TYW1B: variants seen among roughly 807,000 people sequenced by gnomAD.
The protein encoded by TYW1B is tRNA-yW synthesizing protein 1 homolog B.
TYW1B carries 73 observed loss-of-function variants against 86.9 expected under a neutral mutation model. The observed-to-expected ratio is 0.84, with a 90% CI of 0.70 to 1.02. TYW1B has a LOEUF of 1.02. Among genes scored for constraint, TYW1B ranks in the 50% least tolerant of loss-of-function variants. The probability of loss-of-function intolerance (pLI) is 0.00; values close to 1 mark genes in which losing one functional copy is unlikely to be tolerated. For missense variants in TYW1B, 637 were observed against 827.4 expected (o/e 0.77, Z 2.82); for synonymous variants, 248 against 292.8 (o/e 0.85, Z 1.56).
At chr7:72,599,330 T>C (rs1554433235) in intron 13 of TYW1B, among the ~76,000 whole-genome samples, 1 of 152,062 alleles carries the variant, frequency 6.6e-6, no homozygotes, top group African/African-American at 2.4e-5. Context: ...TTTGACAAAA[T>C]TGTAACTGAT....
intron 6 of TYW1B, among the ~76,000 whole-genome samples, chr7:72,791,692 G>A (rs1384165156): frequency 4.6e-5 from 7 of 151,930 alleles, no homozygotes; most frequent in African/African-American, 1.2e-4. Flanking sequence ...CAGGAGAATC[G>A]CTTGAACCTG....
intron 7 of TYW1B, among the ~76,000 whole-genome samples, chr7:72,749,454 C>T (rs1402676122): frequency 1.3e-5 from 2 of 152,058 alleles, no homozygotes; most frequent in African/African-American, 4.8e-5. Flanking sequence ...CCACCAAGCC[C>T]GGCTAATTTT....
intron 10 of TYW1B, among the ~76,000 whole-genome samples, chr7:72,706,805 A>G (rs1814626359): frequency 6.6e-6 from 1 of 152,204 alleles, no homozygotes; most frequent in Non-Finnish European, 1.5e-5. Flanking sequence ...ATCTTTTCAA[A>G]GTCAAAAGTC....
chr7:72,636,960 T>C (rs1271782805), intron 11 of TYW1B, among the ~76,000 whole-genome samples: 2 of 152,164 alleles, frequency 1.3e-5, no homozygotes, highest in East Asian at 3.8e-4. Flanking sequence ...GTGGATCACC[T>C]GAGGTTGGGA....
intron 12 of TYW1B, among the ~76,000 whole-genome samples, chr7:72,624,052 C>T (rs1184884039): frequency 1.3e-5 from 2 of 152,156 alleles, no homozygotes; most frequent in African/African-American, 2.4e-5. Context: ...CTGCCTGACT[C>T]GGCCTCCCAA....
chr7:72,721,993 C>T (rs192957930), intron 9 of TYW1B, among the ~76,000 whole-genome samples: 7 of 152,126 alleles, frequency 4.6e-5, no homozygotes, highest in Middle Eastern at 3.4e-3. Flanking sequence ...AAGTTTGGGC[C>T]GATCAGAAAT....
At chr7:72,797,789 C>T (rs1788329061) in intron 6 of TYW1B, among the ~76,000 whole-genome samples, 1 of 152,200 alleles carries the variant, frequency 6.6e-6, no homozygotes, top group African/African-American at 2.4e-5. Flanking sequence ...GTGAGTCATT[C>T]CGGCAGAAAA....
At chr7:72,803,610 A>AT (rs1270991599) in intron 5 of TYW1B, among the ~76,000 whole-genome samples, 7 of 151,908 alleles carry the variant, frequency 4.6e-5, no homozygotes, top group Non-Finnish European at 5.9e-5. Context: ...CGTTAGAGAG[A>AT]TTTTTTTGTT....
chr7:72,632,540 C>T (rs1340856801), intron 11 of TYW1B, among the ~76,000 whole-genome samples: 1 of 136,544 alleles, frequency 7.3e-6, no homozygotes, highest in Non-Finnish European at 1.5e-5. Flanking sequence ...TATGAAATAG[C>T]ATGCAGGACA....
intron 13 of TYW1B, among the ~76,000 whole-genome samples, chr7:72,611,395 C>G (rs1357143372): frequency 6.6e-6 from 1 of 152,132 alleles, no homozygotes; most frequent in Non-Finnish European, 1.5e-5. Context: ...GTGGGAAGGA[C>G]CTGGTGGGAG....
intron 9 of TYW1B, among the ~76,000 whole-genome samples, chr7:72,718,644 T>C (rs1321050853): frequency 7.9e-5 from 12 of 152,146 alleles, no homozygotes; most frequent in Non-Finnish European, 1.8e-4. Context: ...ATTTTTTAGG[T>C]TATTGAAATC....
intron 13 of TYW1B, among the ~76,000 whole-genome samples, chr7:72,591,950 A>G (rs1489978318): frequency 2.8e-4 from 42 of 151,682 alleles, no homozygotes; most frequent in African/African-American, 9.9e-4. Flanking sequence ...CAGCCTCCCG[A>G]GTAGCTGGGA....
intron 3 of TYW1B, among the ~76,000 whole-genome samples, chr7:72,811,038 G>A (rs13234666): frequency 0.31 from 46,468 of 151,560 alleles, 8,159 homozygotes; most frequent in East Asian, 0.51. Flanking sequence ...TTGGGAGGCT[G>A]AGGCGGGCGG....
chr7:72,811,942 G>C (rs1269792500), intron 3 of TYW1B, among the ~76,000 whole-genome samples: 9 of 146,580 alleles, frequency 6.1e-5, no homozygotes, highest in Non-Finnish European at 1.4e-4. Context: ...AAAAGGAAAA[G>C]AAAAGAAAAA....
intron 11 of TYW1B, among the ~76,000 whole-genome samples, chr7:72,632,383 TATAC>T (rs1812535750): frequency 8.5e-6 from 1 of 117,218 alleles, no homozygotes; most frequent in South Asian, 2.3e-4. Flanking sequence ...ATATTATATA[TATAC>T]GTATATATAT....
chr7:72,695,145 C>G (rs1202063466), intron 10 of TYW1B, among the ~76,000 whole-genome samples: 1 of 152,152 alleles, frequency 6.6e-6, no homozygotes, highest in Non-Finnish European at 1.5e-5. Context: ...CAGCCCAGCA[C>G]AATTAGAGGG....
At chr7:72,632,317 TATATTATATATATATAC>T (rs1812520564) in intron 11 of TYW1B, among the ~76,000 whole-genome samples, 1 of 93,578 alleles carries the variant, frequency 1.1e-5, no homozygotes, top group African/African-American at 5.4e-5. Flanking sequence ...ATATATTATA[TATATTATATATATATAC>T]ACGTATATAT....
chr7:72,634,158 C>T (rs1198090294), intron 11 of TYW1B, among the ~76,000 whole-genome samples: 1 of 151,882 alleles, frequency 6.6e-6, no homozygotes, highest in African/African-American at 2.4e-5. Context: ...GTACTCATCT[C>T]TCTCTCCCTC....
At chr7:72,658,069 C>A (rs1485098825) in intron 11 of TYW1B, among the ~76,000 whole-genome samples, 1 of 152,044 alleles carries the variant, frequency 6.6e-6, no homozygotes, top group Non-Finnish European at 1.5e-5. Flanking sequence ...TCCTGGCTAA[C>A]ACAGTGAAAC....
Sources: allele counts gnomAD v4.1 joint callset (sites outside exome capture counted in the v4.1 genomes callset), GRCh38; gene constraint gnomAD v4.1.1; transcripts MANE v1.5; gene names NCBI Gene and HGNC (gene_info 2026-07-23, HGNC 2026-07-21).